The following ZCCHC17 variants were observed in gnomAD, a reference collection of about 807,000 sequenced individuals.
ZCCHC17 encodes zinc finger CCHC-type containing 17, also known as zinc finger CCHC domain-containing protein 17.
Under a neutral mutation model 30.6 loss-of-function variants are expected in ZCCHC17, and 18 were observed. That is an observed-to-expected ratio of 0.59 (90% CI 0.41 to 0.87). The LOEUF is 0.87. Ranked by LOEUF, ZCCHC17 falls within the 40% of genes least tolerant of loss-of-function variation. The pLI is 0.00. For missense variants in ZCCHC17, 263 were observed against 284.2 expected (o/e 0.93, Z 0.54); for synonymous variants, 88 against 92.4 (o/e 0.95, Z 0.27).
intron 5 of ZCCHC17, among the ~76,000 whole-genome samples, chr1:31,344,805 T>C (rs568922192): frequency 6.6e-6 from 1 of 152,300 alleles, no homozygotes; most frequent in East Asian, 1.9e-4. Flanking sequence ...AAAACCATGT[T>C]TGTGAGTTCC....
At chr1:31,316,148 C>A (rs1646725952) in intron 2 of ZCCHC17, among the ~76,000 whole-genome samples, 3 of 152,180 alleles carry the variant, frequency 2.0e-5, no homozygotes, top group Non-Finnish European at 4.4e-5. Context: ...GTCACCCAGG[C>A]TGGAGTGCAG....
chr1:31,344,533 C>T (rs942283417), intron 5 of ZCCHC17, among the ~76,000 whole-genome samples: 7 of 152,120 alleles, frequency 4.6e-5, no homozygotes, highest in African/African-American at 1.4e-4. Context: ...AGGAAGAAAA[C>T]TGGAGGCAGG....
chr1:31,355,870 C>G lies in ZCCHC17; in HGVS notation c.564+6896C>G, dbSNP rs74820659. On this transcript the variant is annotated intron_variant, in intron 7 of 7. Coordinates refer to ENST00000344147, the MANE Select transcript of ZCCHC17 (RefSeq NM_016505.4). ...TTACCCTCTAAATCTTGGATTCCAG[C>G]AGGAGGTTGGTTTTCCTTAACAGTA... Among the ~76,000 whole-genome samples the G allele has an allele frequency of 5.8e-3, 883 of 152,244 alleles. 70 individuals are homozygous for G. In the East Asian group the frequency reaches 0.14, roughly 25 times the overall value.
At chr1:31,363,638 A>G (rs1417235522) in intron 7 of ZCCHC17, among the ~76,000 whole-genome samples, 1 of 152,080 alleles carries the variant, frequency 6.6e-6, no homozygotes, top group African/African-American at 2.4e-5. Context: ...AAAAATTAGC[A>G]GGGTGTGGTG....
chr1:31,308,754 A>C (rs1217188593), intron 1 of ZCCHC17, among the ~76,000 whole-genome samples: 1 of 152,240 alleles, frequency 6.6e-6, no homozygotes, highest in Non-Finnish European at 1.5e-5. Flanking sequence ...CTACTTAGGC[A>C]GTATCAGTGT....
chr1:31,326,575 T>G (rs1252300969), intron 3 of ZCCHC17, among the ~76,000 whole-genome samples: 2 of 152,214 alleles, frequency 1.3e-5, no homozygotes, highest in Non-Finnish European at 2.9e-5. Flanking sequence ...CCCATTCTAA[T>G]TTGGGCATAT....
intron 1 of ZCCHC17, among the ~76,000 whole-genome samples, chr1:31,302,334 C>A (rs987172387): frequency 1.3e-5 from 2 of 152,146 alleles, no homozygotes; most frequent in African/African-American, 4.8e-5. Flanking sequence ...GTGTTCCCCC[C>A]TCTTTCTCTA....
At chr1:31,297,411 C>G (rs560573457) in intron 1 of ZCCHC17, among the ~76,000 whole-genome samples, 29 of 152,344 alleles carry the variant, frequency 1.9e-4, no homozygotes, top group African/African-American at 6.5e-4. Context: ...CTTGTTTCTG[C>G]CACTGATTTT....
At chr1:31,343,350 A>G (rs34960310) in intron 5 of ZCCHC17, among the ~76,000 whole-genome samples, 82,645 of 152,108 alleles carry the variant, frequency 0.54, 23,363 homozygotes, top group Non-Finnish European at 0.62. Context: ...GTGAGCCATC[A>G]CACCCAGCCC....
intron 5 of ZCCHC17, 80 bp from the exon 6 acceptor site, chr1:31,346,560 A>T (rs34746219): frequency 6.9e-7 from 1 of 1,447,658 alleles, no homozygotes; most frequent in Middle Eastern, 2.3e-4. Context: ...AAAACAAAAA[A>T]CCAACATACA....
At chr1:31,315,340 C>T (rs1029860045) in intron 2 of ZCCHC17, among the ~76,000 whole-genome samples, 6 of 152,208 alleles carry the variant, frequency 3.9e-5, no homozygotes, top group African/African-American at 1.4e-4. Flanking sequence ...TGTCCCAGCT[C>T]TTCTCTTGCT....
chr1:31,355,718 C>T (rs1409988141), intron 7 of ZCCHC17, among the ~76,000 whole-genome samples: 3 of 152,196 alleles, frequency 2.0e-5, no homozygotes. Context: ...CATATCAGGA[C>T]TCATCAAGTC....
intron 3 of ZCCHC17, among the ~76,000 whole-genome samples, chr1:31,333,810 G>A (rs979058040): frequency 7.9e-5 from 12 of 152,310 alleles, no homozygotes; most frequent in African/African-American, 2.9e-4. Context: ...TGGTACTCCA[G>A]TAAATAGACT....
chr1:31,355,102 G>A (rs1294152087), intron 7 of ZCCHC17, among the ~76,000 whole-genome samples: 1 of 151,764 alleles, frequency 6.6e-6, no homozygotes, highest in African/African-American at 2.4e-5. Flanking sequence ...TTGAACCCAG[G>A]AGGCGGAGGG....
intron 2 of ZCCHC17, among the ~76,000 whole-genome samples, chr1:31,314,704 G>T (rs1646688747): frequency 6.6e-6 from 1 of 152,060 alleles, no homozygotes; most frequent in South Asian, 2.1e-4. Flanking sequence ...AGACCCATGA[G>T]AATTCTTTTT....
Position 31,319,129 on chromosome 1 carries a change from T to C in ZCCHC17, c.87T>C (p.Tyr29=), listed in dbSNP as rs1277802210. The change falls in exon 3 of 8, where the codon TAT becomes TAC. Residue 29 remains tyrosine (Y), a synonymous_variant. Transcript: ENST00000344147. ...TATAGGTTGCTATGGTGACAGACTA[T>C]GGGGCCTTTATCAAAATCCCAGGCT... is the stretch of plus-strand genomic sequence containing the variant. ...FQGEVAMVTD[Y]GAFIKIPGCR... is the part of the protein sequence containing the mutation. The C allele has an allele frequency of 6.2e-7, 1 of 1,611,318 alleles. No individual in the cohort carries two copies. Among genetic ancestry groups the C allele is most frequent in the Admixed American group, 1.7e-5 (1 of 59,960 alleles).
intron 5 of ZCCHC17, among the ~76,000 whole-genome samples, chr1:31,344,193 G>A (rs916282149): frequency 7.2e-5 from 11 of 151,884 alleles, no homozygotes; most frequent in African/African-American, 2.4e-4. Flanking sequence ...GTCTTGCTGT[G>A]TTGCCCAGGC....
At chr1:31,342,411 G>C (rs1026555158) in intron 5 of ZCCHC17, among the ~76,000 whole-genome samples, 2 of 152,204 alleles carry the variant, frequency 1.3e-5, no homozygotes, top group African/African-American at 4.8e-5. Context: ...AATACTAAAA[G>C]AGTAGTTTAA....
chr1:31,308,922 A>G (rs1312765342), intron 1 of ZCCHC17, among the ~76,000 whole-genome samples: 2 of 152,232 alleles, frequency 1.3e-5, no homozygotes, highest in East Asian at 3.8e-4. Context: ...GTGTATGCGT[A>G]TGAATTGCTG....
Sources: allele counts gnomAD v4.1 joint callset (sites outside exome capture counted in the v4.1 genomes callset), GRCh38; gene constraint gnomAD v4.1.1; transcripts MANE v1.5; gene names NCBI Gene and HGNC (gene_info 2026-07-23, HGNC 2026-07-21).